Variants in TADA2B observed in about 807,000 individuals in gnomAD.
TADA2B encodes transcriptional adapter 2-beta.
In TADA2B, 13 loss-of-function variants were observed where a neutral mutation model predicts 34.5. That is an observed-to-expected ratio of 0.38 (90% CI 0.25 to 0.60). TADA2B has a LOEUF of 0.60. Among genes scored for constraint, TADA2B ranks in the 20% least tolerant of loss-of-function variants. The pLI is 0.65. For synonymous variants in TADA2B, 240 were observed against 243.4 expected, an observed-to-expected ratio of 0.99 and a Z score of 0.13; for missense variants, 442 against 575.0, an observed-to-expected ratio of 0.77 and a Z score of 2.37.
chr4:7,050,485 GC>G (rs1723735113), intron 1 of TADA2B, among the ~76,000 whole-genome samples: 1 of 152,248 alleles, frequency 6.6e-6, no homozygotes, highest in Admixed American at 6.5e-5. Flanking sequence ...ACGACGCCTG[GC>G]CCCAAACCAC....
rs1004827908 is a variant in TADA2B at position 7,055,027 on chromosome 4, C to A, written c.1236C>A (p.Ser412Arg). The A allele has an allele frequency of 6.2e-7, 1 of 1,611,394 alleles. No homozygotes were observed. Among genetic ancestry groups the A allele is most frequent in the Non-Finnish European group, 8.5e-7 (1 of 1,179,190 alleles). ...GGATTTTGAATTTCCTCACAGAAAG[C>A]GGCTGGATCTCCAGGGACGCGTCTT... ...KKRILNFLTE[S>R]GWISRDAS is the part of the protein sequence containing the mutation. Residue 412 changes from serine to arginine, a missense_variant, in exon 2 of 2, where the codon AGC (serine) becomes AGA (arginine). This residue lies in a region of TADA2B where 114 missense variants were observed against 144.7 expected (regional missense o/e 0.79). Transcript: ENST00000310074.
intron 1 of TADA2B, among the ~76,000 whole-genome samples, chr4:7,051,298 C>T (rs553563068): frequency 1.3e-5 from 2 of 152,314 alleles, no homozygotes; most frequent in Admixed American, 6.5e-5. Context: ...ACGCTGTGGC[C>T]GCACCTGCCT....
Position 7,054,218 on chromosome 4 carries a change from C to A in TADA2B, c.427C>A (p.Leu143Ile). Residue 143 changes from leucine (L) to isoleucine (I), a missense_variant, in exon 2 of 2, where the codon CTC (leucine) becomes ATC (isoleucine). This residue lies in a region of TADA2B where 222 missense variants were observed against 235.2 expected (regional missense o/e 0.94). Transcript: ENST00000310074. The part of the protein sequence containing the change: ...TDHTCPSGGP[L>I]SPSLTTPLPP... ...CCACACCTGTCCCAGCGGAGGCCCC[C>A]TCTCACCCAGCCTCACCACCCCGCT... 1 of 1,607,350 alleles carries A rather than the reference C, an allele frequency of 6.2e-7. No individual in the cohort carries two copies. Among genetic ancestry groups the A allele is most frequent in the Non-Finnish European group, 8.5e-7 (1 of 1,177,064 alleles).
At position 7,054,068 on chromosome 4, in the gene TADA2B, A is replaced by G; in HGVS notation, c.277A>G (p.Met93Val). ...CTGCCCTTTGTCATCGTAGGAAGATATGGCTGCCCACGTTGGTGCTTCCCG... is the reference window on the plus strand; with the variant it reads ...CTGCCCTTTGTCATCGTAGGAAGATGTGGCTGCCCACGTTGGTGCTTCCCG... Reference protein sequence around the residue: ...EQFGFGNWEDMAAHVGASRTP... With the variant: ...EQFGFGNWEDVAAHVGASRTP... The change falls in exon 2 of 2, where the codon ATG becomes GTG. Residue 93 changes from methionine to valine, a missense_variant. Physicochemically the swap from Met to Val is conservative, Grantham distance 21 (BLOSUM62 1). Around this residue, in one of 4 missense-constraint regions of TADA2B, gnomAD observed 102 missense variants for 177.2 expected, o/e 0.58. Coordinates refer to ENST00000310074, the MANE Select transcript of TADA2B (RefSeq NM_152293.3). 6.3e-7 allele frequency: 1 copy of G among 1,576,252 alleles called. No homozygotes were observed. The highest frequency in any genetic ancestry group is 8.6e-7 in the Non-Finnish European group (1 of 1,157,736).
rs1442741868 is a variant in TADA2B at position 7,054,133 on chromosome 4, C to T, written c.342C>T (p.Tyr114=). 6.2e-7 allele frequency: 1 copy of T among 1,603,988 alleles called. No individual in the cohort carries two copies. The highest frequency in any genetic ancestry group is 2.2e-5 in the East Asian group (1 of 44,454). Residue 114 remains tyrosine, a synonymous_variant, in exon 2 of 2, where the codon TAC becomes TAT. Transcript: ENST00000310074. ...TGATGGAGCATTACGTGAGCATGTA[C>T]ATCCACGGGAACCTGGGGAAGGCCT... is the stretch of plus-strand genomic sequence containing the variant. ...QEVMEHYVSM[Y]IHGNLGKACI...
At chr4:7,051,017 C>T (rs1429997448) in intron 1 of TADA2B, among the ~76,000 whole-genome samples, 1 of 152,166 alleles carries the variant, frequency 6.6e-6, no homozygotes, top group Admixed American at 6.5e-5. Context: ...CAACACTCCT[C>T]CTCCGTGGGA....
At position 7,056,038 on chromosome 4, in the gene TADA2B, A is replaced by T. The variant is rs934802905; in HGVS notation, c.*984A>T. On this transcript the variant is annotated 3_prime_UTR_variant, in exon 2 of 2. Coordinates refer to ENST00000310074, the MANE Select transcript of TADA2B (RefSeq NM_152293.3). ...CAGTTGCAAGTACCTTTCCACTGAA[A>T]ATATGAGCATGCCCGCCTGGCTAGT... 3 of 152,408 alleles carry T rather than the reference A, an allele frequency of 2.0e-5. No homozygotes were observed. The highest frequency in any genetic ancestry group is 4.4e-5 in the Non-Finnish European group (3 of 68,046). 9.4% of individuals were successfully genotyped at this position (152,408 alleles called of 1,614,324 possible).
Position 7,055,295 on chromosome 4 carries a change from A to T in TADA2B, c.*241A>T. Reference sequence around the variant, plus strand: ...TTCCTGCGAGTCATACACTGCGATGATGCTCCGCCTTTACCCGTTCAGTTG... The same window carrying T: ...TTCCTGCGAGTCATACACTGCGATGTTGCTCCGCCTTTACCCGTTCAGTTG... On this transcript the variant is annotated 3_prime_UTR_variant, in exon 2 of 2. Coordinates refer to ENST00000310074, the MANE Select transcript of TADA2B (RefSeq NM_152293.3). The T allele has an allele frequency of 2.0e-6, 1 of 512,304 alleles. No homozygotes were observed. Among genetic ancestry groups the T allele is most frequent in the Non-Finnish European group, 3.4e-6 (1 of 290,748 alleles). 31.7% of individuals were successfully genotyped at this position (512,304 alleles called of 1,614,324 possible). A position where few individuals can be genotyped will look rare whatever the true frequency, so the allele number is the denominator to read the frequency against.
In TADA2B at chr4:7,048,791, T is replaced by C. The variant is rs529198513; in HGVS notation, c.270+4942T>C. Reference sequence around the variant, plus strand: ...CCCCATTCTACTTCCCGTCTGGCGCTAGGGACCTCAAATGCGTGGGTCCTG... The same window carrying C: ...CCCCATTCTACTTCCCGTCTGGCGCCAGGGACCTCAAATGCGTGGGTCCTG... On this transcript the variant is annotated intron_variant, in intron 1 of 1. Transcript: ENST00000310074. Among the ~76,000 whole-genome samples, 9 of 152,196 alleles carry C rather than the reference T, an allele frequency of 5.9e-5. No homozygotes were observed. In the South Asian group the frequency reaches 1.9e-3, roughly 32 times the overall value.
chr4:7,051,843 T>C lies in TADA2B; in HGVS notation c.271-2219T>C, dbSNP rs536992145. Among the ~76,000 whole-genome samples, 8 of 152,336 alleles carry C rather than the reference T, an allele frequency of 5.3e-5. No homozygotes were observed. In the East Asian group the frequency reaches 9.7e-4, roughly 18 times the overall value. ...CGATCTCCTGACCTCGTGATCCGCC[T>C]GCCTCGGCCTCCCAAAGTGTTGGGA... is the stretch of plus-strand genomic sequence containing the variant. On this transcript the variant is annotated intron_variant, in intron 1 of 1. Transcript: ENST00000310074.
chr4:7,048,059 G>T (rs181985148), intron 1 of TADA2B, among the ~76,000 whole-genome samples: 2 of 152,302 alleles, frequency 1.3e-5, no homozygotes, highest in African/African-American at 4.8e-5. Context: ...CCGTTTCATT[G>T]TTCACCAGCC....
At chr4:7,051,708 C>T (rs1408239026) in intron 1 of TADA2B, among the ~76,000 whole-genome samples, 1 of 152,126 alleles carries the variant, frequency 6.6e-6, no homozygotes, top group Non-Finnish European at 1.5e-5. Context: ...CGCCATTCTC[C>T]TGCCTCAGCC....
At chr4:7,052,070 G>A (rs1219236116) in intron 1 of TADA2B, among the ~76,000 whole-genome samples, 2 of 152,242 alleles carry the variant, frequency 1.3e-5, no homozygotes, top group Admixed American at 1.3e-4. Context: ...GGGACACCCA[G>A]CCTCACGTGC....
At chr4:7,052,373 C>T (rs1453424288) in intron 1 of TADA2B, among the ~76,000 whole-genome samples, 2 of 152,228 alleles carry the variant, frequency 1.3e-5, no homozygotes, top group African/African-American at 2.4e-5. Flanking sequence ...ACTGTTGTTC[C>T]GTTAGGTAGA....
At position 7,043,531 on chromosome 4, in the gene TADA2B, G is replaced by A. The variant is rs1723539578; in HGVS notation, c.-49G>A. 2 of 1,080,936 alleles carry A rather than the reference G, an allele frequency of 1.9e-6. No homozygotes were observed. The highest frequency in any genetic ancestry group is 2.3e-6 in the Non-Finnish European group (2 of 888,656). The allele number at this position is 1,080,936 out of a possible 1,614,324, so 67.0% of individuals were successfully genotyped here. A position where few individuals can be genotyped will look rare whatever the true frequency, so the allele number is the denominator to read the frequency against. On this transcript the variant is annotated 5_prime_UTR_variant, in exon 1 of 2. Coordinates refer to ENST00000310074, the MANE Select transcript of TADA2B (RefSeq NM_152293.3). ...CGGGCGGCGGGGCGCTGACGGCCGGGGGCGCGGCGGCTGCGGCGGGCCGGG... is the reference window on the plus strand; with the variant it reads ...CGGGCGGCGGGGCGCTGACGGCCGGAGGCGCGGCGGCTGCGGCGGGCCGGG...
intron 1 of TADA2B, among the ~76,000 whole-genome samples, chr4:7,046,492 T>G (rs1465828082): frequency 6.6e-6 from 1 of 152,220 alleles, no homozygotes; most frequent in African/African-American, 2.4e-5. Flanking sequence ...AGGGATTCCA[T>G]GGCATTCATG....
chr4:7,052,258 G>A (rs918088405), intron 1 of TADA2B, among the ~76,000 whole-genome samples: 1 of 152,262 alleles, frequency 6.6e-6, no homozygotes, highest in Non-Finnish European at 1.5e-5. Flanking sequence ...AAGCACAGAC[G>A]TGAGGCGTTG....
Position 7,043,589 on chromosome 4 carries a change from C to T in TADA2B, c.10C>T (p.Leu4=), listed in dbSNP as rs2108781298. 2 of 1,291,566 alleles carry T rather than the reference C, an allele frequency of 1.5e-6. No individual in the cohort carries two copies. The highest frequency in any genetic ancestry group is 3.3e-5 in the Admixed American group (1 of 30,428). The allele number at this position is 1,291,566 out of a possible 1,614,324, so 80.0% of individuals were successfully genotyped here. MAE[L]GKKYCVYCLA... is the part of the protein sequence containing the mutation. ...CGGCGAGCGGGGGAAGATGGCGGAG[C>T]TGGGGAAGAAGTACTGCGTGTACTG... The change falls in exon 1 of 2, where the codon CTG becomes TTG. Residue 4 remains leucine, a synonymous_variant. Transcript: ENST00000310074.
At chr4:7,049,101 A>G (rs944791872) in intron 1 of TADA2B, among the ~76,000 whole-genome samples, 5 of 151,272 alleles carry the variant, frequency 3.3e-5, no homozygotes, top group Admixed American at 3.3e-4. Flanking sequence ...TTTTTTTTTT[A>G]AGGGTTTCGC....
Sources: gnomAD v4.1 joint callset for allele counts (sites outside exome capture counted in the v4.1 genomes callset) on GRCh38, gnomAD v4.1.1 for gene constraint, gnomAD v4.1.1 regional missense constraint, MANE v1.5 for transcripts, NCBI Gene and HGNC (gene_info 2026-07-23, HGNC 2026-07-21) for gene names.